Variants in PDE1C observed in about 807,000 individuals in gnomAD.
PDE1C encodes the protein dual specificity calcium/calmodulin-dependent 3',5'-cyclic nucleotide phosphodiesterase 1C.
In PDE1C, 62 loss-of-function variants were observed where a neutral mutation model predicts 93.1. The ratio of observed to expected loss-of-function variants is 0.67; its 90% confidence interval spans 0.54 to 0.82. PDE1C has a LOEUF of 0.82. Among genes scored for constraint, PDE1C ranks in the 40% least tolerant of loss-of-function variants. The pLI is 0.00. For missense variants in PDE1C, 742 were observed against 884.6 expected (o/e 0.84, Z 2.04); for synonymous variants, 325 against 310.1 (o/e 1.05, Z -0.50).
intron 2 of PDE1C, among the ~76,000 whole-genome samples, chr7:32,021,052 G>T (rs2128612351): frequency 6.6e-6 from 1 of 152,216 alleles, no homozygotes; most frequent in South Asian, 2.1e-4. Context: ...GAGCTCCCCA[G>T]GTCACTCGTC....
upstream of PDE1C, among the ~76,000 whole-genome samples, chr7:32,300,897 G>GT (rs920185487): frequency 4.6e-5 from 7 of 151,954 alleles, no homozygotes; most frequent in African/African-American, 1.7e-4. Context: ...GAGTGCAGTG[G>GT]TGCAATCATG....
chr7:32,357,872 T>A (rs911559848), intron 1 of PDE1C, among the ~76,000 whole-genome samples: 5 of 152,324 alleles, frequency 3.3e-5, no homozygotes, highest in Admixed American at 6.5e-5. Flanking sequence ...AGGATCTGCA[T>A]CTTTAGGCCC....
chr7:31,918,751 T>C (rs911329453), intron 2 of PDE1C, among the ~76,000 whole-genome samples: 1 of 152,236 alleles, frequency 6.6e-6, no homozygotes, highest in Admixed American at 6.5e-5. Flanking sequence ...TGTGCATTTA[T>C]ACCTTCGTCA....
chr7:31,773,895 T>G (rs1795662957), intron 17 of PDE1C, among the ~76,000 whole-genome samples: 1 of 152,086 alleles, frequency 6.6e-6, no homozygotes, highest in Non-Finnish European at 1.5e-5. Context: ...CACTGTCAAT[T>G]CCACCTAGAT....
rs1399896638 is a variant in PDE1C, at chr7:31,827,763, T to C, written c.1285+529A>G. 8.5e-5 allele frequency among the ~76,000 whole-genome samples: 13 copies of C among 152,244 alleles called. 1 individual carries two copies. The highest frequency in any genetic ancestry group is 8.5e-4 in the Admixed American group (13 of 15,286). Reference sequence around the variant, plus strand: ...GAAGATTTTTAAAATGCATATATTATGGTTATTAGCAATTCAAAAGTTATT... The same window carrying C: ...GAAGATTTTTAAAATGCATATATTACGGTTATTAGCAATTCAAAAGTTATT... On this transcript the variant is annotated intron_variant, in intron 12 of 17. Coordinates refer to ENST00000396191, the MANE Select transcript of PDE1C (RefSeq NM_001191057.4).
At chr7:31,649,578 G>A in the PDE1C span, among the ~76,000 whole-genome samples, 95 of 152,324 alleles carry the variant, frequency 6.2e-4, no homozygotes, top group African/African-American at 1.7e-3. Flanking sequence ...AAGATTGTGA[G>A]TAGTCAACTA....
intron 2 of PDE1C, among the ~76,000 whole-genome samples, chr7:32,191,947 C>T (rs1302389505): frequency 6.6e-6 from 1 of 152,128 alleles, no homozygotes. Context: ...TTTCATTCTT[C>T]ATGCATTTAA....
chr7:31,959,534 C>T (rs1403168063), intron 2 of PDE1C, among the ~76,000 whole-genome samples: 1 of 151,964 alleles, frequency 6.6e-6, no homozygotes, highest in Non-Finnish European at 1.5e-5. Context: ...CAATTGGATG[C>T]TAACAATAAT....
the PDE1C span, chr7:31,692,644 C>T: frequency 1.2e-6 from 1 of 855,930 alleles, no homozygotes; most frequent in South Asian, 1.6e-5. Context: ...TCTGTGCCTT[C>T]TGGTGACAGC....
At chr7:32,001,559 A>T (rs1369792180) in intron 2 of PDE1C, among the ~76,000 whole-genome samples, 1 of 152,198 alleles carries the variant, frequency 6.6e-6, no homozygotes, top group African/African-American at 2.4e-5. Flanking sequence ...CCCATAAAGG[A>T]GTTCATCACT....
Position 32,034,054 on chromosome 7 carries a change from CTGTGTG to C in PDE1C, c.128+17494_128+17499del, listed in dbSNP as rs5883321. On this transcript the variant is annotated intron_variant, in intron 2 of 17. Transcript: ENST00000396191. Reference sequence around the variant, plus strand: ...TAATCAGTGGTAGTAAGATGAGAGACTGTGTGTGTGTGTGTGTGTGTGTGTGTGTGT... The same window carrying C: ...TAATCAGTGGTAGTAAGATGAGAGACTGTGTGTGTGTGTGTGTGTGTGTGT... Among the ~76,000 whole-genome samples the C allele has an allele frequency of 7.0e-3, 1,038 of 148,466 alleles. 5 individuals carry two copies. Among genetic ancestry groups the C allele is most frequent in the African/African-American group, 0.011 (457 of 39,884 alleles).
At chr7:32,027,645 A>AAAAAAAAAAAAAAAAAAG (rs70989633) in intron 2 of PDE1C, among the ~76,000 whole-genome samples, 1 of 69,366 alleles carries the variant, frequency 1.4e-5, no homozygotes, top group African/African-American at 5.6e-5. Flanking sequence ...AAAAAAAAAA[A>AAAAAAAAAAAAAAAAAAG]GACTAATGGG....
intron 1 of PDE1C, among the ~76,000 whole-genome samples, chr7:32,328,652 C>A (rs1201764039): frequency 6.6e-6 from 1 of 152,114 alleles, no homozygotes; most frequent in Non-Finnish European, 1.5e-5. Context: ...CATCCCCACT[C>A]CACCCCTTGC....
At chr7:32,254,093 C>T (rs991877271) in intron 1 of PDE1C, among the ~76,000 whole-genome samples, 5 of 151,978 alleles carry the variant, frequency 3.3e-5, no homozygotes, top group African/African-American at 7.3e-5. Context: ...TGAAATGAGG[C>T]GATACGGGGC....
chr7:32,184,452 A>G (rs7455555), intron 2 of PDE1C, among the ~76,000 whole-genome samples: 36,288 of 152,186 alleles, frequency 0.24, 4,826 homozygotes, highest in Admixed American at 0.35. Flanking sequence ...CATATACACC[A>G]TGGAATACTA....
chr7:32,030,285 A>G (rs1042881912), intron 2 of PDE1C, among the ~76,000 whole-genome samples: 3 of 152,122 alleles, frequency 2.0e-5, no homozygotes, highest in African/African-American at 7.2e-5. Flanking sequence ...GAATGATTTT[A>G]AAACAATAGT....
At chr7:31,822,149 C>T (rs1455765661) in intron 14 of PDE1C, among the ~76,000 whole-genome samples, 2 of 152,064 alleles carry the variant, frequency 1.3e-5, no homozygotes, top group Non-Finnish European at 2.9e-5. Flanking sequence ...ATGTCTGTTA[C>T]TCATCTCTGT....
chr7:32,259,571 C>A (rs1810047106), intron 1 of PDE1C, among the ~76,000 whole-genome samples: 1 of 152,152 alleles, frequency 6.6e-6, no homozygotes, highest in East Asian at 1.9e-4. Flanking sequence ...GGACTCTAAT[C>A]CAGTTCTGGC....
intron 16 of PDE1C, among the ~76,000 whole-genome samples, chr7:31,781,612 A>C (rs1405160897): frequency 6.6e-6 from 1 of 152,108 alleles, no homozygotes; most frequent in Non-Finnish European, 1.5e-5. Context: ...ACAGCTTTGA[A>C]GAGAGAGCAT....
Sources: allele counts gnomAD v4.1 joint callset (sites outside exome capture counted in the v4.1 genomes callset), GRCh38; gene constraint gnomAD v4.1.1; transcripts MANE v1.5; gene names NCBI Gene and HGNC (gene_info 2026-07-23, HGNC 2026-07-21).